Variants in CNTNAP2 observed in about 807,000 individuals in gnomAD.
CNTNAP2 encodes the protein contactin associated protein 2.
CNTNAP2 carries 98 observed loss-of-function variants against 155.2 expected under a neutral mutation model. The ratio of observed to expected loss-of-function variants is 0.63; its 90% confidence interval spans 0.54 to 0.75. The LOEUF (loss-of-function observed/expected upper bound fraction) is 0.75, where lower values mean the gene tolerates loss of function less well. Among genes scored for constraint, CNTNAP2 ranks in the 30% least tolerant of loss-of-function variants. The pLI is 0.00. For synonymous variants in CNTNAP2, 651 were observed against 631.2 expected (o/e 1.03, Z -0.47); for missense variants, 1,727 against 1,688.1 (o/e 1.02, Z -0.40).
chr7:147,461,866 C>A (rs1798031825), intron 10 of CNTNAP2, among the ~76,000 whole-genome samples: 1 of 152,124 alleles, frequency 6.6e-6, no homozygotes, highest in Non-Finnish European at 1.5e-5. Context: ...TCGAAAATAG[C>A]AGCATTTAAG....
chr7:147,415,660 A>G (rs1797181056), intron 10 of CNTNAP2, among the ~76,000 whole-genome samples: 1 of 152,204 alleles, frequency 6.6e-6, no homozygotes, highest in African/African-American at 2.4e-5. Context: ...GTAGTTTTTT[A>G]TAGCAGTAAA....
chr7:147,632,304 G>C (rs974164612), intron 12 of CNTNAP2, among the ~76,000 whole-genome samples: 1 of 152,060 alleles, frequency 6.6e-6, no homozygotes, highest in African/African-American at 2.4e-5. Flanking sequence ...GTTCGGTTGT[G>C]TCCCCACCCA....
At chr7:147,640,648 CA>C (rs1795256255) in intron 13 of CNTNAP2, among the ~76,000 whole-genome samples, 1 of 152,036 alleles carries the variant, frequency 6.6e-6, no homozygotes, top group South Asian at 2.1e-4. Context: ...GAAGGAACAC[CA>C]AGGTTCTTAA....
At chr7:147,931,269 T>TA (rs139889614) in intron 14 of CNTNAP2, among the ~76,000 whole-genome samples, 2,128 of 132,704 alleles carry the variant, frequency 0.016, 17 homozygotes, top group Non-Finnish European at 0.024. Flanking sequence ...ATTGACAAAC[T>TA]AAAAAAAAAA....
intron 15 of CNTNAP2, among the ~76,000 whole-genome samples, chr7:148,043,288 A>G (rs535635916): frequency 2.3e-4 from 35 of 152,334 alleles, no homozygotes; most frequent in African/African-American, 6.5e-4. Context: ...ATTATTAACC[A>G]TTATAAAATC....
Position 148,385,750 on chromosome 7 carries a change from T to G in CNTNAP2, c.3715+1862T>G, listed in dbSNP as rs1250912488. Among the ~76,000 whole-genome samples, 271 of 104,440 alleles carry G rather than the reference T, an allele frequency of 2.6e-3. 1 individual carries two copies. The highest frequency in any genetic ancestry group is 9.4e-3 in the African/African-American group (254 of 26,918). The allele number at this position is 104,440 out of a possible 152,430, so 68.5% of individuals were successfully genotyped here. A position where few individuals can be genotyped will look rare whatever the true frequency, so the allele number is the denominator to read the frequency against. ...GAGTGTGACAGGTTTTTTTTTTTTT[T>G]TTTTTTTTTTGGAGACAGACAGAGT... On this transcript the variant is annotated intron_variant, in intron 22 of 23. Coordinates refer to ENST00000361727, the MANE Select transcript of CNTNAP2 (RefSeq NM_014141.6).
At chr7:147,030,473 G>T (rs1016208900) in intron 3 of CNTNAP2, among the ~76,000 whole-genome samples, 1 of 152,052 alleles carries the variant, frequency 6.6e-6, no homozygotes, top group East Asian at 1.9e-4. Flanking sequence ...TGCAACAATT[G>T]TTTTTGGTTT....
intron 9 of CNTNAP2, among the ~76,000 whole-genome samples, chr7:147,360,222 C>A (rs556052536): frequency 6.6e-6 from 1 of 152,262 alleles, no homozygotes; most frequent in South Asian, 2.1e-4. Flanking sequence ...TTATTTATAA[C>A]CCCTTAGCTT....
At chr7:147,424,487 C>T (rs1797346796) in intron 10 of CNTNAP2, among the ~76,000 whole-genome samples, 1 of 152,030 alleles carries the variant, frequency 6.6e-6, no homozygotes, top group Admixed American at 6.6e-5. Context: ...CCTACTAAAC[C>T]TACTGTTCCT....
At chr7:147,589,224 C>T (rs1477354585) in intron 12 of CNTNAP2, among the ~76,000 whole-genome samples, 1 of 152,128 alleles carries the variant, frequency 6.6e-6, no homozygotes, top group Non-Finnish European at 1.5e-5. Flanking sequence ...TCAAATCAGA[C>T]AGCTGGTTAG....
At chr7:146,989,444 A>G (rs1798170401) in intron 3 of CNTNAP2, among the ~76,000 whole-genome samples, 3 of 152,114 alleles carry the variant, frequency 2.0e-5, no homozygotes, top group Admixed American at 2.0e-4. Context: ...AGCCAAAGAA[A>G]TTTGGCTAAA....
intron 21 of CNTNAP2, among the ~76,000 whole-genome samples, chr7:148,313,774 T>C (rs916619507): frequency 5.9e-5 from 9 of 152,192 alleles, no homozygotes; most frequent in Admixed American, 2.0e-4. Context: ...GCAGATTGGG[T>C]AATAAAATGT....
intron 13 of CNTNAP2, among the ~76,000 whole-genome samples, chr7:147,838,504 A>C (rs1451549503): frequency 2.0e-5 from 3 of 152,120 alleles, no homozygotes; most frequent in South Asian, 4.1e-4. Flanking sequence ...TCACCTCTTC[A>C]ATGTTTTTCT....
intron 10 of CNTNAP2, among the ~76,000 whole-genome samples, chr7:147,427,589 T>C (rs542218959): frequency 3.4e-4 from 51 of 152,110 alleles, no homozygotes; most frequent in Non-Finnish European, 6.0e-4. Flanking sequence ...AGTGGGTAGA[T>C]AACCAATAGG....
intron 13 of CNTNAP2, among the ~76,000 whole-genome samples, chr7:147,717,953 C>T (rs746432115): frequency 1.7e-4 from 26 of 151,392 alleles, no homozygotes; most frequent in Middle Eastern, 6.8e-3. Flanking sequence ...TTTCTGAATT[C>T]ACTCATATTA....
chr7:147,477,681 C>T (rs1353996983), intron 10 of CNTNAP2, among the ~76,000 whole-genome samples: 1 of 152,146 alleles, frequency 6.6e-6, no homozygotes, highest in Non-Finnish European at 1.5e-5. Context: ...AATATATCTC[C>T]GTGGTGCATC....
At chr7:147,396,877 A>G (rs1584923768) in intron 10 of CNTNAP2, among the ~76,000 whole-genome samples, 1 of 152,108 alleles carries the variant, frequency 6.6e-6, no homozygotes. Context: ...GAACTAAGAT[A>G]TTAATCCTAT....
chr7:147,134,396 G>T (rs1584747304), intron 8 of CNTNAP2, among the ~76,000 whole-genome samples: 1 of 151,688 alleles, frequency 6.6e-6, no homozygotes. Context: ...TGTCAATTTA[G>T]CCAAGAATCT....
intron 3 of CNTNAP2, among the ~76,000 whole-genome samples, chr7:146,879,925 A>C (rs576599366): frequency 1.6e-4 from 25 of 152,064 alleles, no homozygotes; most frequent in East Asian, 3.9e-4. Flanking sequence ...CAAAAGGCAC[A>C]TCTTACATGG....
Sources: allele counts gnomAD v4.1 joint callset (sites outside exome capture counted in the v4.1 genomes callset), GRCh38; gene constraint gnomAD v4.1.1; transcripts MANE v1.5; gene names NCBI Gene and HGNC (gene_info 2026-07-23, HGNC 2026-07-21).